ARHGAP32: variants seen among roughly 807,000 people sequenced by gnomAD.
ARHGAP32 encodes the protein rho GTPase-activating protein 32.
A neutral mutation model predicts 186.5 loss-of-function variants in ARHGAP32; 51 were observed. That is an observed-to-expected ratio of 0.27 (90% confidence interval 0.22 to 0.35). ARHGAP32 has a LOEUF of 0.35. Among genes scored for constraint, ARHGAP32 ranks in the 10% least tolerant of loss-of-function variants. The pLI is 1.00. For missense variants in ARHGAP32, 2,186 were observed against 2,623.5 expected (o/e 0.83, Z 3.64); for synonymous variants, 950 against 964.3 (o/e 0.99, Z 0.27).
rs185738721 is a variant in ARHGAP32, at chr11:129,134,605, T to C, written c.226-9711A>G. Among the ~76,000 whole-genome samples the C allele has an allele frequency of 3.3e-4, 50 of 152,292 alleles. 1 individual carries two copies. Among genetic ancestry groups the C allele is most frequent in the African/African-American group, 1.2e-3 (50 of 41,558 alleles). ...AACTATAATAGCATTGAAGAAAACA[T>C]CAAATACCTAGGAACATTTCTAATA... is the stretch of plus-strand genomic sequence containing the variant. On this transcript the variant is annotated intron_variant, in intron 2 of 22. Coordinates refer to ENST00000682385, the MANE Select transcript of ARHGAP32 (RefSeq NM_001378024.1).
chr11:129,251,593 A>G (rs2135691055), intron 1 of ARHGAP32, among the ~76,000 whole-genome samples: 1 of 152,180 alleles, frequency 6.6e-6, no homozygotes, highest in Admixed American at 6.5e-5. Flanking sequence ...TTATAACCAC[A>G]TTTATCAAAG....
intron 2 of ARHGAP32, among the ~76,000 whole-genome samples, chr11:129,142,581 A>G (rs891291686): frequency 3.3e-5 from 5 of 152,166 alleles, no homozygotes; most frequent in African/African-American, 1.2e-4. Flanking sequence ...AATAATTAAG[A>G]ACAATAAAAC....
At chr11:129,149,070 C>T (rs1943234149) in intron 2 of ARHGAP32, among the ~76,000 whole-genome samples, 1 of 152,184 alleles carries the variant, frequency 6.6e-6, no homozygotes, top group African/African-American at 2.4e-5. Flanking sequence ...CCCCATCCAT[C>T]ACCTGACAAA....
At chr11:129,226,894 G>C (rs1168191740) in intron 1 of ARHGAP32, among the ~76,000 whole-genome samples, 1 of 152,008 alleles carries the variant, frequency 6.6e-6, no homozygotes, top group Non-Finnish European at 1.5e-5. Context: ...TGAAATAAAA[G>C]AACACTAGAT....
chr11:129,064,084 C>A, intron 8 of ARHGAP32, 60 bp from the exon 9 acceptor site: 1 of 1,434,448 alleles, frequency 7.0e-7, no homozygotes, highest in Non-Finnish European at 9.3e-7. Context: ...GCTTCTTTGA[C>A]TATCTATAAA....
intron 2 of ARHGAP32, among the ~76,000 whole-genome samples, chr11:129,145,744 C>A (rs1424737584): frequency 6.6e-6 from 1 of 152,070 alleles, no homozygotes; most frequent in Non-Finnish European, 1.5e-5. Flanking sequence ...AAAATTTTGA[C>A]CTATAAAATT....
intron 12 of ARHGAP32, among the ~76,000 whole-genome samples, chr11:128,990,315 T>C (rs950594528): frequency 2.0e-5 from 3 of 152,214 alleles, no homozygotes; most frequent in Non-Finnish European, 2.9e-5. Flanking sequence ...CATACAACTA[T>C]TACCCTTTTC....
chr11:129,265,303 G>C (rs1262798786), intron 1 of ARHGAP32, among the ~76,000 whole-genome samples: 2 of 152,194 alleles, frequency 1.3e-5, no homozygotes, highest in African/African-American at 4.8e-5. Context: ...TCTTACAGCA[G>C]GGTTTCTCAA....
chr11:129,161,403 T>G (rs569691524), intron 2 of ARHGAP32, among the ~76,000 whole-genome samples: 16 of 151,674 alleles, frequency 1.1e-4, no homozygotes, highest in African/African-American at 3.6e-4. Flanking sequence ...TTGCAATCTA[T>G]CCATCTGACA....
chr11:129,221,812 TA>T (rs1944716075), intron 1 of ARHGAP32, among the ~76,000 whole-genome samples: 1 of 151,864 alleles, frequency 6.6e-6, no homozygotes, highest in South Asian at 2.1e-4. Flanking sequence ...ATCTTGCCTC[TA>T]AAAAAAATTT....
intron 1 of ARHGAP32, among the ~76,000 whole-genome samples, chr11:129,266,302 C>A (rs1945399590): frequency 6.6e-6 from 1 of 152,130 alleles, no homozygotes; most frequent in Admixed American, 6.5e-5. Flanking sequence ...TACTGTGACA[C>A]CTCTTACTCT....
At chr11:129,122,951 G>T (rs1167844101) in intron 5 of ARHGAP32, among the ~76,000 whole-genome samples, 2 of 152,014 alleles carry the variant, frequency 1.3e-5, no homozygotes, top group African/African-American at 4.8e-5. Flanking sequence ...ATGTACAAAG[G>T]ACATTAAGCT....
intron 6 of ARHGAP32, among the ~76,000 whole-genome samples, chr11:129,082,290 T>C (rs1941244519): frequency 6.6e-6 from 1 of 151,954 alleles, no homozygotes; most frequent in Non-Finnish European, 1.5e-5. Flanking sequence ...AGAGCCCACA[T>C]AACCAAAGCA....
chr11:129,257,705 CA>C (rs5795663), intron 1 of ARHGAP32, among the ~76,000 whole-genome samples: 17,818 of 86,152 alleles, frequency 0.21, 1,144 homozygotes, highest in Middle Eastern at 0.33. Context: ...AATAATTAAC[CA>C]AAAAAAAAAA....
rs1481833127 is a variant in ARHGAP32 at position 129,179,440 on chromosome 11, A to C, written c.116+12643T>G. 5.6e-4 allele frequency among the ~76,000 whole-genome samples: 84 copies of C among 149,632 alleles called. 1 individual carries two copies. The highest frequency in any genetic ancestry group is 1.1e-3 in the Admixed American group (16 of 14,886). ...ACCATTTGACCCAGCCATCCCATTA[A>C]TGGGTATATACCCAAAGGATTATAA... On this transcript the variant is annotated intron_variant, in intron 1 of 22. Transcript: ENST00000682385.
chr11:129,064,136 C>T, intron 8 of ARHGAP32, 112 bp from the exon 9 acceptor site: 2 of 602,174 alleles, frequency 3.3e-6, no homozygotes, highest in Non-Finnish European at 4.4e-6. Context: ...CCCAAAGAGT[C>T]TTAAAAAAAA....
Position 128,988,142 on chromosome 11 carries a change from AAGAAAC to A in ARHGAP32, c.1196-23_1196-18del, listed in dbSNP as rs1357317201. On this transcript the variant is annotated intron_variant, in intron 12 of 22. Transcript: ENST00000682385. ...CCTGCGGCACTAAAGAGAATTTGTAAAGAAACAGATGAAATTGTAGTATTCACTGGA... is the reference window on the plus strand; with the variant it reads ...CCTGCGGCACTAAAGAGAATTTGTAAAGATGAAATTGTAGTATTCACTGGA... The A allele has an allele frequency of 1.3e-6, 2 of 1,589,926 alleles. No individual in the cohort carries two copies. Among genetic ancestry groups the A allele is most frequent in the African/African-American group, 2.7e-5 (2 of 74,374 alleles).
intron 1 of ARHGAP32, among the ~76,000 whole-genome samples, chr11:129,222,180 T>TC (rs1481702233): frequency 5.3e-5 from 8 of 152,290 alleles, no homozygotes; most frequent in African/African-American, 1.9e-4. Context: ...TAAAGCATAT[T>TC]CCCTCATCAA....
Position 128,973,166 on chromosome 11 carries a change from T to C in ARHGAP32, c.3340A>G (p.Thr1114Ala). The C allele has an allele frequency of 6.8e-6, 11 of 1,614,106 alleles. No individual in the cohort carries two copies. Among genetic ancestry groups the C allele is most frequent in the Non-Finnish European group, 9.3e-6 (11 of 1,180,022 alleles). Residue 1114 changes from threonine to alanine, a missense_variant, in exon 22 of 23, where the codon ACC (threonine) becomes GCC (alanine). By Grantham distance (58) the Thr-to-Ala change is moderately conservative. This residue lies in a region of ARHGAP32 where 1,502 missense variants were observed against 1,570.0 expected (regional missense o/e 0.96). Transcript: ENST00000682385. ...TGGAACTGCTCTGCTGGTCGATCGG[T>C]TTGGAAATAGGCCTTATCTAGAGCA... is the stretch of plus-strand genomic sequence containing the variant. ...AVALDKAYFQ[T>A]DRPAEQFHLQ...
Sources: allele counts gnomAD v4.1 joint callset (sites outside exome capture counted in the v4.1 genomes callset), GRCh38; gene constraint gnomAD v4.1.1; regional missense constraint gnomAD v4.1.1; transcripts MANE v1.5; gene names NCBI Gene and HGNC (gene_info 2026-07-23, HGNC 2026-07-21).